FER: variants seen among roughly 807,000 people sequenced by gnomAD.
FER encodes tyrosine-protein kinase Fer.
In FER, 63 loss-of-function variants were observed where a neutral mutation model predicts 111.0. The observed-to-expected ratio is 0.57, with a 90% CI of 0.46 to 0.70. The LOEUF is 0.70. Among genes scored for constraint, FER ranks in the 30% least tolerant of loss-of-function variants. The pLI is 0.00. For synonymous variants in FER, 327 were observed against 313.9 expected, an observed-to-expected ratio of 1.04 and a Z score of -0.44; for missense variants, 914 against 954.0, an observed-to-expected ratio of 0.96 and a Z score of 0.55.
chr5:108,965,693 A>G (rs1759716094), intron 13 of FER, among the ~76,000 whole-genome samples: 1 of 152,172 alleles, frequency 6.6e-6, no homozygotes, highest in Non-Finnish European at 1.5e-5. Context: ...AACTCCAGCT[A>G]GCATAAATCA....
intron 4 of FER, among the ~76,000 whole-genome samples, chr5:108,833,748 C>T (rs1760298363): frequency 6.6e-6 from 1 of 151,896 alleles, no homozygotes; most frequent in African/African-American, 2.4e-5. Context: ...CTGGCGGGCG[C>T]CTGTAGTCCC....
intron 17 of FER, among the ~76,000 whole-genome samples, chr5:109,125,711 A>G (rs549353628): frequency 1.1e-4 from 16 of 152,230 alleles, no homozygotes; most frequent in Admixed American, 7.9e-4. Flanking sequence ...ACAGAACTGG[A>G]TTTTTTCTCT....
At chr5:109,012,423 C>T (rs576817753) in intron 13 of FER, among the ~76,000 whole-genome samples, 1 of 152,122 alleles carries the variant, frequency 6.6e-6, no homozygotes, top group Non-Finnish European at 1.5e-5. Flanking sequence ...GTTTTATGTA[C>T]GTATTTTGAG....
chr5:109,186,443 T>C, intron 19 of FER, 121 bp downstream of exon 19: 1 of 1,441,590 alleles, frequency 6.9e-7, no homozygotes, highest in Non-Finnish European at 9.5e-7. Flanking sequence ...TGAGACCATC[T>C]CTGGGGTTCA....
rs150138764 is a variant in FER, at chr5:108,886,828, C to T, written c.1046+3310C>T. On this transcript the variant is annotated intron_variant, in intron 9 of 19. Transcript: ENST00000281092. ...GAAAATGTTAAGTATATTTATATGA[C>T]TAAAGAGTTACTGCTAAATTTCATT... Among the ~76,000 whole-genome samples, 182 of 151,704 alleles carry T rather than the reference C, an allele frequency of 1.2e-3. 1 individual carries two copies. Among genetic ancestry groups the T allele is most frequent in the Admixed American group, 0.01 (158 of 15,166 alleles).
intron 2 of FER, among the ~76,000 whole-genome samples, chr5:108,790,232 A>AC (rs1435985427): frequency 4.3e-4 from 27 of 63,526 alleles, no homozygotes; most frequent in African/African-American, 1.4e-3. Flanking sequence ...ATATGCATAC[A>AC]CACCACACAC....
At chr5:108,790,235 CCACACACACACACA>C (rs66805209) in intron 2 of FER, among the ~76,000 whole-genome samples, 73 of 145,090 alleles carry the variant, frequency 5.0e-4, no homozygotes, top group Admixed American at 1.2e-3. Context: ...TGCATACACA[CCACACACACACACA>C]CACACACACA....
At chr5:109,064,476 T>G (rs1171906612) in intron 16 of FER, among the ~76,000 whole-genome samples, 1 of 152,204 alleles carries the variant, frequency 6.6e-6, no homozygotes, top group Non-Finnish European at 1.5e-5. Flanking sequence ...TATCTATAAC[T>G]ATTACTCTGT....
chr5:108,840,341 TA>T (rs1335772759), intron 5 of FER, among the ~76,000 whole-genome samples: 1 of 152,178 alleles, frequency 6.6e-6, no homozygotes. Flanking sequence ...CCATTGAAAA[TA>T]ATGTCAAAAA....
chr5:108,749,550 G>C (rs1750215432), intron 1 of FER, among the ~76,000 whole-genome samples: 1 of 152,088 alleles, frequency 6.6e-6, no homozygotes, highest in Admixed American at 6.5e-5. Context: ...CCTGCTTCTG[G>C]AGCCCCGCAG....
At chr5:108,778,358 T>G (rs1423987855) in intron 2 of FER, among the ~76,000 whole-genome samples, 1 of 152,238 alleles carries the variant, frequency 6.6e-6, no homozygotes, top group East Asian at 1.9e-4. Context: ...TTAATATGAT[T>G]GCATTTTGTA....
At chr5:109,004,349 A>G (rs1447505929) in intron 13 of FER, among the ~76,000 whole-genome samples, 2 of 152,188 alleles carry the variant, frequency 1.3e-5, no homozygotes, top group Non-Finnish European at 2.9e-5. Context: ...CAGTAGTTTC[A>G]AAATATTCAT....
At chr5:109,136,254 C>G (rs183046483) in intron 17 of FER, among the ~76,000 whole-genome samples, 62 of 151,926 alleles carry the variant, frequency 4.1e-4, no homozygotes, top group African/African-American at 1.5e-3. Flanking sequence ...GATCACGCCA[C>G]TGTACTCCAG....
chr5:109,044,502 A>G (rs1771662191), intron 14 of FER, among the ~76,000 whole-genome samples, 178 bp from the exon 15 acceptor site: 1 of 152,114 alleles, frequency 6.6e-6, no homozygotes, highest in Non-Finnish European at 1.5e-5. Flanking sequence ...TTTATACCAC[A>G]ATATGTCCTA....
chr5:109,003,500 A>T (rs539712202), intron 13 of FER, among the ~76,000 whole-genome samples: 2 of 152,264 alleles, frequency 1.3e-5, no homozygotes, highest in South Asian at 4.2e-4. Context: ...TAGCAATTGG[A>T]GATATACCTA....
At chr5:109,044,983 G>A (rs1471240991) in intron 15 of FER, among the ~76,000 whole-genome samples, 188 bp downstream of exon 15, 1 of 151,914 alleles carries the variant, frequency 6.6e-6, no homozygotes, top group Non-Finnish European at 1.5e-5. Context: ...GTCAAACCAG[G>A]TGTTAAAAAG....
At chr5:108,895,575 C>G (rs1748961830) in intron 9 of FER, among the ~76,000 whole-genome samples, 1 of 152,156 alleles carries the variant, frequency 6.6e-6, no homozygotes, top group African/African-American at 2.4e-5. Context: ...TGTCACATCA[C>G]CTTTTCTGAC....
intron 2 of FER, among the ~76,000 whole-genome samples, chr5:108,797,326 G>C (rs979060468): frequency 7.9e-5 from 12 of 152,058 alleles, no homozygotes; most frequent in African/African-American, 2.9e-4. Context: ...AAGCTGTGCT[G>C]GCCGGGGTGC....
chr5:109,128,518 C>T (rs1752000997), intron 17 of FER, among the ~76,000 whole-genome samples: 1 of 152,068 alleles, frequency 6.6e-6, no homozygotes, highest in African/African-American at 2.4e-5. Flanking sequence ...TAATAAAAAT[C>T]AGTGAAAAGG....
Sources: allele counts gnomAD v4.1 joint callset (sites outside exome capture counted in the v4.1 genomes callset), GRCh38; gene constraint gnomAD v4.1.1; transcripts MANE v1.5; gene names NCBI Gene and HGNC (gene_info 2026-07-23, HGNC 2026-07-21).